RAB12: variants seen among roughly 807,000 people sequenced by gnomAD.
RAB12 encodes RAB12, member RAS oncogene family.
A neutral mutation model predicts 28.4 loss-of-function variants in RAB12; 11 were observed. The observed-to-expected ratio is 0.39, with a 90% CI of 0.24 to 0.64. RAB12 has a LOEUF of 0.64. Among genes scored for constraint, RAB12 ranks in the 30% least tolerant of loss-of-function variants. RAB12 has a pLI of 0.50. For missense variants in RAB12, 276 were observed against 351.1 expected (o/e 0.79, Z 1.71); for synonymous variants, 138 against 145.3 (o/e 0.95, Z 0.36).
chr18:8,636,358 G>A lies in RAB12; in HGVS notation c.909+1G>A, dbSNP rs113071807. On this transcript the variant is annotated splice_donor_variant, in intron 5 of 5. Coordinates refer to ENST00000649141, the MANE Select transcript of RAB12 (RefSeq NM_001025300.3). LOFTEE classifies it high-confidence loss of function. ...ACTTGTCGATGACATTCTGAAAAAG[G>A]TAAAAAAAAGAATCTACATTATAAA... The A allele has an allele frequency of 4.6e-6, 7 of 1,537,530 alleles. No homozygotes were observed. The highest frequency in any genetic ancestry group is 3.6e-5 in the Admixed American group (2 of 55,860).
chr18:8,626,557 C>T (rs2096012781), intron 2 of RAB12, among the ~76,000 whole-genome samples: 1 of 152,108 alleles, frequency 6.6e-6, no homozygotes, highest in Non-Finnish European at 1.5e-5. Context: ...CTGGTGCCTC[C>T]CTGGAGCTCT....
chr18:8,636,222 A>G (rs904930604), intron 4 of RAB12, 31 bp from the exon 5 acceptor site: 9 of 1,484,724 alleles, frequency 6.1e-6, no homozygotes, highest in Admixed American at 1.7e-5. Context: ...GAGGCCCCAC[A>G]CAGAGGAAAT....
Position 8,620,139 on chromosome 18 carries a change from C to CTTTTTTTTTTTTTTTTTTTTTTT in RAB12, c.515-4778_515-4777insTTTTTTTTTTTTTTTTTTTTTTT, listed in dbSNP as rs71165795. Among the ~76,000 whole-genome samples the CTTTTTTTTTTTTTTTTTTTTTTT allele has an allele frequency of 5.7e-4, 31 of 53,938 alleles. 1 individual carries two copies. The highest frequency in any genetic ancestry group is 1.9e-3 in the East Asian group (3 of 1,584). 35.4% of individuals were successfully genotyped at this position (53,938 alleles called of 152,430 possible). Reference sequence around the variant, plus strand: ...AAAGCCTTCTTTTTTTTTTCTTCTTCTTTTTTTTTTTTTTTTTTTTTGCTT... The same window carrying CTTTTTTTTTTTTTTTTTTTTTTT: ...AAAGCCTTCTTTTTTTTTTCTTCTTCTTTTTTTTTTTTTTTTTTTTTTTTTTTTTTTTTTTTTTTTTTTTGCTT... On this transcript the variant is annotated intron_variant, in intron 1 of 5. Transcript: ENST00000649141.
At chr18:8,618,051 G>A (rs2148707058) in intron 1 of RAB12, among the ~76,000 whole-genome samples, 1 of 152,258 alleles carries the variant, frequency 6.6e-6, no homozygotes, top group East Asian at 1.9e-4. Flanking sequence ...TCCATGAGAG[G>A]AACTGTCCAC....
At chr18:8,625,452 TTACTGCGGGTGGGCA>T (rs2096012124) in intron 2 of RAB12, among the ~76,000 whole-genome samples, 1 of 152,244 alleles carries the variant, frequency 6.6e-6, no homozygotes, top group Admixed American at 6.5e-5. Context: ...AATGTGACTA[TTACTGCGGGTGGGCA>T]TACTCCTTCC....
rs571158940 is a variant in RAB12 at position 8,616,812 on chromosome 18, C to T, written c.514+6859C>T. Among the ~76,000 whole-genome samples the T allele has an allele frequency of 7.2e-5, 11 of 152,216 alleles. No individual in the cohort carries two copies. The South Asian group carries it at 2.3e-3, about 32-fold the overall frequency. On this transcript the variant is annotated intron_variant, in intron 1 of 5. Transcript: ENST00000649141. The stretch of plus-strand genomic sequence containing the variant: ...GGTGTGGTGGTGCACACCTGTGGTC[C>T]CAGCTACTTGGGAGGCTGAGGCAGG...
intron 1 of RAB12, among the ~76,000 whole-genome samples, chr18:8,620,723 G>A (rs1567893907): frequency 6.6e-6 from 1 of 152,116 alleles, no homozygotes; most frequent in Non-Finnish European, 1.5e-5. Flanking sequence ...AGACTTTAGG[G>A]GGCTGAAGAT....
intron 1 of RAB12, among the ~76,000 whole-genome samples, chr18:8,613,540 G>A (rs1279537444): frequency 2.0e-5 from 3 of 152,030 alleles, no homozygotes; most frequent in Non-Finnish European, 4.4e-5. Context: ...AGCATAAACA[G>A]GTAAATGTGC....
intron 1 of RAB12, among the ~76,000 whole-genome samples, chr18:8,615,997 T>G (rs2148706457): frequency 6.6e-6 from 1 of 152,368 alleles, no homozygotes; most frequent in East Asian, 1.9e-4. Context: ...CTTTGAGAAC[T>G]GATAGGTCCA....
At chr18:8,617,422 A>C (rs1567892959) in intron 1 of RAB12, among the ~76,000 whole-genome samples, 1 of 152,064 alleles carries the variant, frequency 6.6e-6, no homozygotes, top group Admixed American at 6.5e-5. Context: ...GCATATGAAG[A>C]AAATGTTAAT....
At chr18:8,620,132 T>TTC (rs1555616191) in intron 1 of RAB12, among the ~76,000 whole-genome samples, 11 of 117,108 alleles carry the variant, frequency 9.4e-5, no homozygotes, top group African/African-American at 3.5e-4. Flanking sequence ...CTTTTTTTTT[T>TTC]CTTCTTCTTT....
In RAB12 at chr18:8,635,585, A is replaced by G. The variant is rs1415133824; in HGVS notation, c.767A>G (p.Glu256Gly). The G allele has an allele frequency of 6.2e-7, 1 of 1,612,814 alleles. No individual in the cohort carries two copies. The highest frequency in any genetic ancestry group is 8.5e-7 in the Non-Finnish European group (1 of 1,179,560). The change falls in exon 4 of 6, where the codon GAA (glutamate) becomes GGA (glycine). Residue 256 changes from glutamate to glycine, a missense_variant. Glu to Gly is a moderately conservative substitution (Grantham distance 98). This residue lies in a region of RAB12 where 127 missense variants were observed against 161.4 expected (regional missense o/e 0.79). Coordinates refer to ENST00000649141, the MANE Select transcript of RAB12 (RefSeq NM_001025300.3). ...TTAGTTGGAAATAAGTTGGACTGTGAAACGGACAGAGAAATCACCAGGCAG... is the reference window on the plus strand; with the variant it reads ...TTAGTTGGAAATAAGTTGGACTGTGGAACGGACAGAGAAATCACCAGGCAG... ...LLLVGNKLDCETDREITRQQG... is the reference protein window; with the variant it reads ...LLLVGNKLDCGTDREITRQQG...
In RAB12 at chr18:8,618,204, A is replaced by G. The variant is rs73942008; in HGVS notation, c.515-6734A>G. Among the ~76,000 whole-genome samples, 472 of 152,132 alleles carry G rather than the reference A, an allele frequency of 3.1e-3. 2 individuals carry two copies. Among genetic ancestry groups the G allele is most frequent in the African/African-American group, 0.011 (460 of 41,520 alleles). ...AGGCTGTCTCCTTGTGCTTCTGTGT[A>G]CAGGGTGGGCTTTATTTGCTGGGTG... is the stretch of plus-strand genomic sequence containing the variant. On this transcript the variant is annotated intron_variant, in intron 1 of 5. Transcript: ENST00000649141.
intron 3 of RAB12, chr18:8,635,332 T>C: frequency 2.3e-6 from 1 of 431,990 alleles, no homozygotes; most frequent in Non-Finnish European, 4.1e-6. Context: ...TTAATGCCTG[T>C]GCCCTAGTTC....
At position 8,609,602 on chromosome 18, in the gene RAB12, G is replaced by A. The variant is rs1356778951; in HGVS notation, c.163G>A (p.Ala55Thr). Residue 55 changes from alanine (A) to threonine (T), a missense_variant, in exon 1 of 6, where the codon GCG becomes ACG. Ala to Thr is a moderately conservative substitution (Grantham distance 58). This residue lies in a region of RAB12 where 72 missense variants were observed against 55.5 expected (regional missense o/e 1.30). Transcript: ENST00000649141. The part of the protein sequence containing the change: ...AHGPPGPLQR[A>T]EAEPGADPPR... ...CGGGCCGCCGGGGCCGCTCCAGCGG[G>A]CGGAAGCCGAGCCCGGGGCCGACCC... 2.7e-5 allele frequency: 8 copies of A among 291,706 alleles called. No homozygotes were observed. Among genetic ancestry groups the A allele is most frequent in the Non-Finnish European group, 4.0e-5 (8 of 198,024 alleles). The allele number at this position is 291,706 out of a possible 1,614,324, so 18.1% of individuals were successfully genotyped here.
At chr18:8,637,702 C>G (rs1474823502) in intron 5 of RAB12, among the ~76,000 whole-genome samples, 2 of 152,098 alleles carry the variant, frequency 1.3e-5, no homozygotes, top group African/African-American at 2.4e-5. Context: ...AAAAACTTAA[C>G]GACTAAAAGC....
rs1016700911 is a variant in RAB12 at position 8,609,784 on chromosome 18, G to T, written c.345G>T (p.Ala115=). ...CCGGGGGCGGCGGCGGTCTGGGCGC[G>T]GGCTCCCCGGCGCTGTCGGGCGGCC... ...RRAGGGGGLG[A]GSPALSGGQG... is the part of the protein sequence containing the mutation. The change falls in exon 1 of 6, where the codon GCG becomes GCT. Residue 115 remains alanine, a synonymous_variant. Coordinates refer to ENST00000649141, the MANE Select transcript of RAB12 (RefSeq NM_001025300.3). 3.0e-6 allele frequency: 4 copies of T among 1,332,200 alleles called. No individual in the cohort carries two copies. The highest frequency in any genetic ancestry group is 1.5e-5 in the African/African-American group (1 of 64,572). 82.5% of individuals were successfully genotyped at this position (1,332,200 alleles called of 1,614,324 possible).
chr18:8,613,970 A>G (rs1269873122), intron 1 of RAB12, among the ~76,000 whole-genome samples: 1 of 152,160 alleles, frequency 6.6e-6, no homozygotes, highest in African/African-American at 2.4e-5. Flanking sequence ...AGTCTCAGAG[A>G]GGTAGAAATT....
intron 1 of RAB12, among the ~76,000 whole-genome samples, chr18:8,617,064 C>T (rs961034158): frequency 6.6e-6 from 1 of 152,198 alleles, no homozygotes; most frequent in African/African-American, 2.4e-5. Flanking sequence ...TGCCAGCTGT[C>T]CTTAGGCAAG....
Sources: allele counts gnomAD v4.1 joint callset (sites outside exome capture counted in the v4.1 genomes callset), GRCh38; gene constraint gnomAD v4.1.1; regional missense constraint gnomAD v4.1.1; transcripts MANE v1.5; gene names NCBI Gene and HGNC (gene_info 2026-07-23, HGNC 2026-07-21).